MYH2: variants seen among roughly 807,000 people sequenced by gnomAD.
MYH2 encodes myosin-2.
In MYH2, 139 loss-of-function variants were observed where a neutral mutation model predicts 228.1. The observed-to-expected ratio is 0.61, with a 90% CI of 0.53 to 0.70. The LOEUF (loss-of-function observed/expected upper bound fraction) is 0.70. MYH2 is among the 30% of genes least tolerant of loss of function. MYH2 has a pLI of 0.00. For synonymous variants in MYH2, 796 were observed against 871.1 expected (o/e 0.91, Z 1.52); for missense variants, 1,809 against 2,357.5 (o/e 0.77, Z 4.82).
Position 10,528,640 on chromosome 17 carries a change from G to A in MYH2, c.3744+50C>T, listed in dbSNP as rs118018353. On this transcript the variant is annotated intron_variant, in intron 27 of 39. Transcript: ENST00000245503. ...AAAAGTGCCCTGTGCAAACTATGAT[G>A]TGTCCATAATGCATTATTTTCAATA... The A allele has an allele frequency of 1.8e-4, 297 of 1,613,234 alleles. No homozygotes were observed. The East Asian group carries it at 6.5e-3, about 35-fold the overall frequency.
chr17:10,526,696 G>C lies in MYH2; in HGVS notation c.4090C>G (p.Gln1364Glu), dbSNP rs1180032023. Residue 1364 changes from glutamine to glutamate, a missense_variant, in exon 30 of 40, where the codon CAG becomes GAG. Gln to Glu is a conservative substitution (Grantham distance 29). This residue lies in a region of MYH2 where 636 missense variants were observed against 729.9 expected (regional missense o/e 0.87). Coordinates refer to ENST00000245503, the MANE Select transcript of MYH2 (RefSeq NM_017534.6). ...GTGTTGGCCTTGGACAGTGCTCTCT[G>C]CAGCTCGGCCTTGGATTCCTGCTCC... ...EEEQESKAELQRALSKANTEV... is the reference protein window; with the variant it reads ...EEEQESKAELERALSKANTEV... 1.2e-6 allele frequency: 2 copies of C among 1,614,024 alleles called. No individual in the cohort carries two copies. The highest frequency in any genetic ancestry group is 3.3e-5 in the Admixed American group (2 of 60,008).
Position 10,526,796 on chromosome 17 carries a change from CTATGGAGGCAGTTACACCT to C in MYH2, c.3991-20_3991-2del. 1 of 1,614,256 alleles carries C rather than the reference CTATGGAGGCAGTTACACCT, an allele frequency of 6.2e-7. No homozygotes were observed. The highest frequency in any genetic ancestry group is 1.3e-5 in the African/African-American group (1 of 75,058). ...GGGCATGCGCCAGGGCGTTCTTGGC[CTATGGAGGCAGTTACACCT>C]TCATTTTACTGGATATTTAAATATT... On this transcript the variant is annotated splice_acceptor_variant and splice_polypyrimidine_tract_variant and intron_variant, in intron 29 of 39. Coordinates refer to ENST00000245503, the MANE Select transcript of MYH2 (RefSeq NM_017534.6). LOFTEE classifies it high-confidence loss of function.
chr17:10,544,217 C>G, intron 5 of MYH2, 90 bp from the exon 6 acceptor site: 1 of 1,511,786 alleles, frequency 6.6e-7, no homozygotes, highest in Non-Finnish European at 9.0e-7. Flanking sequence ...TAGTATTATT[C>G]AGTCTGGACT....
chr17:10,549,152 C>T (rs2073670513), intron 2 of MYH2, among the ~76,000 whole-genome samples: 1 of 152,142 alleles, frequency 6.6e-6, no homozygotes, highest in Non-Finnish European at 1.5e-5. Flanking sequence ...TTATTCAAAG[C>T]GATTCCCCTG....
At position 10,540,703 on chromosome 17, in the gene MYH2, T is replaced by C. The variant is rs377672172; in HGVS notation, c.905-6A>G. The C allele has an allele frequency of 1.3e-6, 2 of 1,575,212 alleles. No homozygotes were observed. Among genetic ancestry groups the C allele is most frequent in the Non-Finnish European group, 1.7e-6 (2 of 1,144,494 alleles). ...CGTGGTAATCAGAAGCATTTCTAAG[T>C]ACAGGAAACAGAACAAAGATAAACA... On this transcript the variant is annotated splice_region_variant and splice_polypyrimidine_tract_variant and intron_variant, in intron 10 of 39. Coordinates refer to ENST00000245503, the MANE Select transcript of MYH2 (RefSeq NM_017534.6).
Position 10,530,739 on chromosome 17 carries a change from G to A in MYH2, c.2698-665C>T, listed in dbSNP as rs564214786. 1.5e-4 allele frequency among the ~76,000 whole-genome samples: 23 copies of A among 152,264 alleles called. No homozygotes were observed. The South Asian group carries it at 2.1e-3, about 14-fold the overall frequency. On this transcript the variant is annotated intron_variant, in intron 22 of 39. Coordinates refer to ENST00000245503, the MANE Select transcript of MYH2 (RefSeq NM_017534.6). ...TTGACTACATTAAGGAATGCAGGGT[G>A]CTATGTATAACTGTGTAACGAATAC...
In MYH2 at chr17:10,531,715, G is replaced by A; in HGVS notation, c.2615C>T (p.Ser872Leu). 1 of 1,614,050 alleles carries A rather than the reference G, an allele frequency of 6.2e-7. No individual in the cohort carries two copies. The highest frequency in any genetic ancestry group is 8.5e-7 in the Non-Finnish European group (1 of 1,180,000). Reference sequence around the variant, plus strand: ...TTCCAGTTCCTTCCTTTTTGCCTCTGACTTGGCAAGTTCGTCTTTAATTTT... The same window carrying A: ...TTCCAGTTCCTTCCTTTTTGCCTCTAACTTGGCAAGTTCGTCTTTAATTTT... ...FQKIKDELAK[S>L]EAKRKELEEK... The change falls in exon 22 of 40, where the codon TCA (serine) becomes TTA (leucine). Residue 872 changes from serine to leucine, a missense_variant. Coordinates refer to ENST00000245503, the MANE Select transcript of MYH2 (RefSeq NM_017534.6).
At chr17:10,541,700 G>A (rs144204721) in intron 10 of MYH2, among the ~76,000 whole-genome samples, 2,343 of 152,150 alleles carry the variant, frequency 0.015, 70 homozygotes, top group African/African-American at 0.054. Flanking sequence ...TGGCTTGGGG[G>A]GCATCACAGA....
Position 10,545,395 on chromosome 17 carries a change from C to A in MYH2, c.456G>T (p.Pro152=). The change falls in exon 5 of 40, where the codon CCG becomes CCT. Residue 152 remains proline, a synonymous_variant. Coordinates refer to ENST00000245503, the MANE Select transcript of MYH2 (RefSeq NM_017534.6). ...TGTCAGAGATGGAGAAGATGTGGGGCGGGGCCTCCTGGCGCTTTTTGCCTC... is the reference window on the plus strand; with the variant it reads ...TGTCAGAGATGGAGAAGATGTGGGGAGGGGCCTCCTGGCGCTTTTTGCCTC... ...AYRGKKRQEA[P]PHIFSISDNA... The A allele has an allele frequency of 6.2e-7, 1 of 1,614,022 alleles. No individual in the cohort carries two copies. Among genetic ancestry groups the A allele is most frequent in the Non-Finnish European group, 8.5e-7 (1 of 1,179,986 alleles).
chr17:10,527,939 G>A, intron 27 of MYH2, 65 bp from the exon 28 acceptor site: 1 of 1,568,130 alleles, frequency 6.4e-7, no homozygotes, highest in South Asian at 1.1e-5. Flanking sequence ...CACCTTTGCA[G>A]TTACTGTAAC....
intron 11 of MYH2, among the ~76,000 whole-genome samples, chr17:10,540,384 T>C (rs370829243): frequency 6.6e-6 from 1 of 151,218 alleles, no homozygotes; most frequent in East Asian, 1.9e-4. Flanking sequence ...AGTTTAGAAA[T>C]TTTCAGAAAT....
At chr17:10,545,194 T>A (rs2073611402) in intron 5 of MYH2, 152 bp downstream of exon 5, 11 of 1,489,268 alleles carry the variant, frequency 7.4e-6, no homozygotes, top group Non-Finnish European at 1.0e-5. Flanking sequence ...AAATCAGCCT[T>A]TCTCCCCTTC....
intron 39 of MYH2, among the ~76,000 whole-genome samples, chr17:10,522,341 C>T (rs148220556): frequency 6.6e-6 from 1 of 152,040 alleles, no homozygotes. Flanking sequence ...AAAAAATAAT[C>T]CTCTATGTAT....
chr17:10,524,513 G>A lies in MYH2; in HGVS notation c.5128C>T (p.Gln1710Ter), dbSNP rs1180452225. Residue 1710 changes from glutamine (Q) to a stop codon, truncating the protein, a stop_gained, in exon 35 of 40, where the codon CAG becomes TAG. Coordinates refer to ENST00000245503, the MANE Select transcript of MYH2 (RefSeq NM_017534.6). LOFTEE classifies it high-confidence loss of function. This position sits in a 1 kb window ranked among gnomAD's most constrained non-coding sequence, Gnocchi z 4.7. ...CGCTCACTGGCATCCAGGAGCTCCT[G>A]TTCTGCGATTTTTCTGCTCCTCTCT... is the stretch of plus-strand genomic sequence containing the variant. The part of the protein sequence containing the change: ...QTERSRKIAE[Q>*]ELLDASERVQ... 6.2e-7 allele frequency: 1 copy of A among 1,614,092 alleles called. No homozygotes were observed. Among genetic ancestry groups the A allele is most frequent in the African/African-American group, 1.3e-5 (1 of 74,934 alleles).
intron 27 of MYH2, among the ~76,000 whole-genome samples, chr17:10,528,373 T>G (rs1308982762): frequency 6.6e-6 from 1 of 152,202 alleles, no homozygotes; most frequent in African/African-American, 2.4e-5. Context: ...ACGATGAAAC[T>G]TTCCTTATTT....
Position 10,529,036 on chromosome 17 carries a change from G to A in MYH2, c.3398C>T (p.Ala1133Val). The A allele has an allele frequency of 6.2e-7, 1 of 1,614,246 alleles. No individual in the cohort carries two copies. Among genetic ancestry groups the A allele is most frequent in the South Asian group, 1.1e-5 (1 of 91,084 alleles). Residue 1133 changes from alanine (A) to valine (V), a missense_variant, in exon 27 of 40, where the codon GCC becomes GTC. Coordinates refer to ENST00000245503, the MANE Select transcript of MYH2 (RefSeq NM_017534.6). ...CTGCTTCTCTGCTTTGGCCCGGGAGGCCCGCTCTGCCTCGATTTCCTCCTC... is the reference window on the plus strand; with the variant it reads ...CTGCTTCTCTGCTTTGGCCCGGGAGACCCGCTCTGCCTCGATTTCCTCCTC... ...ELEEEIEAERASRAKAEKQRS... is the reference protein window; with the variant it reads ...ELEEEIEAERVSRAKAEKQRS...
At chr17:10,539,692 T>G (rs1053082766) in intron 12 of MYH2, 130 bp from the exon 13 acceptor site, 2 of 1,204,868 alleles carry the variant, frequency 1.7e-6, no homozygotes, top group African/African-American at 3.0e-5. Context: ...CTTACCCATT[T>G]GTTCATTAAG....
intron 21 of MYH2, 47 bp downstream of exon 21, chr17:10,533,238 A>C (rs2073444316): frequency 6.2e-7 from 1 of 1,611,840 alleles, no homozygotes; most frequent in Non-Finnish European, 8.5e-7. Context: ...AGCCATTTCA[A>C]ATATGTTTTT....
In MYH2 at chr17:10,525,948, G is replaced by A; in HGVS notation, c.4188-72C>T. 6.6e-7 allele frequency: 1 copy of A among 1,507,362 alleles called. No homozygotes were observed. Among genetic ancestry groups the A allele is most frequent in the Non-Finnish European group, 9.1e-7 (1 of 1,096,974 alleles). The allele number at this position is 1,507,362 out of a possible 1,614,324, so 93.4% of individuals were successfully genotyped here. On this transcript the variant is annotated intron_variant, in intron 30 of 39. Coordinates refer to ENST00000245503, the MANE Select transcript of MYH2 (RefSeq NM_017534.6). The surrounding 1 kb of genome is among the most constrained non-coding windows in gnomAD (Gnocchi z 4.2). ...ATTATGAGCTATTGCCACACACGCT[G>A]AAGAGTGTTAGAAACTTCACATTAA...
Sources: gnomAD v4.1 joint callset for allele counts (sites outside exome capture counted in the v4.1 genomes callset) on GRCh38, gnomAD v4.1.1 for gene constraint, gnomAD v4.1.1 regional missense constraint, Gnocchi (gnomAD v3.1) non-coding constraint, MANE v1.5 for transcripts, NCBI Gene and HGNC (gene_info 2026-07-23, HGNC 2026-07-21) for gene names.